ZFHX2: variants seen among roughly 807,000 people sequenced by gnomAD.
The protein encoded by ZFHX2 is zinc finger homeobox protein 2.
Under a neutral mutation model 164.8 loss-of-function variants are expected in ZFHX2, and 75 were observed. The observed-to-expected ratio is 0.46, with a 90% CI of 0.38 to 0.55. The LOEUF is 0.55. ZFHX2 is among the 20% of genes least tolerant of loss of function. The pLI, the probability that ZFHX2 is intolerant of heterozygous loss-of-function variation, is 0.00. For synonymous variants in ZFHX2, 1,217 were observed against 1,351.4 expected (o/e 0.90, Z 2.18); for missense variants, 2,933 against 3,308.0 (o/e 0.89, Z 2.78).
intron 1 of ZFHX2, among the ~76,000 whole-genome samples, chr14:23,541,818 C>T (rs929548396): frequency 4.4e-4 from 57 of 129,112 alleles, no homozygotes; most frequent in Admixed American, 6.2e-4. Context: ...TTAAAACTAT[C>T]ATTCTATCAT....
rs1305978787 is a variant in ZFHX2 at position 23,531,673 on chromosome 14, A to G, written c.2608T>C (p.Tyr870His). The change falls in exon 4 of 10, where the codon TAC becomes CAC. Residue 870 changes from tyrosine (Y) to histidine (H), a missense_variant. Transcript: ENST00000419474. ...GAEAGAELGL[Y>H]HCLLCAWETP... ...TCCCACGCACACAACAGGCAGTGGT[A>G]TAGCCCCAGCTCTGCCCCTGCCTCC... is the stretch of plus-strand genomic sequence containing the variant. 3 of 1,465,334 alleles carry G rather than the reference A, an allele frequency of 2.0e-6. No homozygotes were observed. In the Admixed American group the frequency reaches 6.6e-5, roughly 32 times the overall value. The allele number at this position is 1,465,334 out of a possible 1,614,324, so 90.8% of individuals were successfully genotyped here.
In ZFHX2 at chr14:23,532,753, G is replaced by C; in HGVS notation, c.2373C>G (p.His791Gln). The change falls in exon 3 of 10, where the codon CAC (histidine) becomes CAG (glutamine). Residue 791 changes from histidine to glutamine, a missense_variant. Transcript: ENST00000419474. The stretch of plus-strand genomic sequence containing the variant: ...CCATGGCTCCACCCCCCTCCCGCAG[G>C]TGGGCTGCCAGCTGGTACTTCTGAG... ...KHAQKYQLAA[H>Q]LREGGGAMGT... 1 of 1,536,240 alleles carries C rather than the reference G, an allele frequency of 6.5e-7. No individual in the cohort carries two copies. The highest frequency in any genetic ancestry group is 8.7e-7 in the Non-Finnish European group (1 of 1,146,920).
At chr14:23,529,649 G>T in intron 6 of ZFHX2, 61 bp downstream of exon 6, 1 of 1,419,044 alleles carries the variant, frequency 7.0e-7, no homozygotes, top group South Asian at 1.2e-5. Context: ...TTTAGAATAT[G>T]AGCAGATCTC....
chr14:23,528,369 T>C (rs1189129955), intron 6 of ZFHX2, among the ~76,000 whole-genome samples: 1 of 152,260 alleles, frequency 6.6e-6, no homozygotes, highest in Non-Finnish European at 1.5e-5. Flanking sequence ...TGTCTGGCCC[T>C]CTTCCACCAT....
intron 5 of ZFHX2, 36 bp downstream of exon 5, chr14:23,530,084 G>A: frequency 4.0e-6 from 6 of 1,508,526 alleles, no homozygotes; most frequent in Non-Finnish European, 5.3e-6. Flanking sequence ...CGTCTCAGAA[G>A]GTAGGAGGAC....
At chr14:23,554,436 T>C (rs1464853651), upstream of ZFHX2, among the ~76,000 whole-genome samples, 2 of 152,030 alleles carry the variant, frequency 1.3e-5, no homozygotes, top group African/African-American at 2.4e-5. Context: ...GTGCAGGCAG[T>C]AGCAGGATCG....
intron 1 of ZFHX2, among the ~76,000 whole-genome samples, chr14:23,545,576 T>G (rs1326859963): frequency 6.6e-6 from 1 of 152,256 alleles, no homozygotes; most frequent in African/African-American, 2.4e-5. Context: ...TTTCTCATCC[T>G]TCCCTGGCCT....
At chr14:23,540,887 T>C (rs150312772) in intron 1 of ZFHX2, among the ~76,000 whole-genome samples, 1,527 of 152,256 alleles carry the variant, frequency 0.01, 26 homozygotes, top group African/African-American at 0.034. Context: ...GCTTTCCTTC[T>C]GTTCACCCCT....
Position 23,526,487 on chromosome 14 carries a change from C to T in ZFHX2, c.3455G>A (p.Gly1152Glu), listed in dbSNP as rs1386021139. ...PPPTMAEEEE[G>E]TTGELRSAEP... ...TGCAGAGCGGAGCTCCCCAGTGGTC[C>T]CCTCTTCCTCCTCAGCCATGGTGGG... is the stretch of plus-strand genomic sequence containing the variant. Residue 1152 changes from glycine to glutamate, a missense_variant, in exon 9 of 10, where the codon GGG becomes GAG. By Grantham distance (98) the Gly-to-Glu change is moderately conservative. Coordinates refer to ENST00000419474, the MANE Select transcript of ZFHX2 (RefSeq NM_033400.3). 12 of 1,535,906 alleles carry T rather than the reference C, an allele frequency of 7.8e-6. No homozygotes were observed. The Admixed American group carries it at 2.0e-4, about 25-fold the overall frequency.
At chr14:23,550,898 G>A (rs1172146195) in intron 1 of ZFHX2, among the ~76,000 whole-genome samples, 1 of 151,980 alleles carries the variant, frequency 6.6e-6, no homozygotes, top group Non-Finnish European at 1.5e-5. Context: ...ACAGCCGGCG[G>A]GGGGCCGCCG....
rs896570799 is a variant in ZFHX2 at position 23,531,681 on chromosome 14, A to T, written c.2600T>A (p.Leu867Gln). 3.5e-6 allele frequency: 5 copies of T among 1,414,692 alleles called. No homozygotes were observed. Among genetic ancestry groups the T allele is most frequent in the Admixed American group, 5.1e-5 (2 of 39,042 alleles). 87.6% of individuals were successfully genotyped at this position (1,414,692 alleles called of 1,614,324 possible). The change falls in exon 4 of 10, where the codon CTG becomes CAG. Residue 867 changes from leucine to glutamine, a missense_variant. Physicochemically the swap from Leu to Gln is moderately radical, Grantham distance 113. Transcript: ENST00000419474. ...ACACAACAGGCAGTGGTATAGCCCC[A>T]GCTCTGCCCCTGCCTCCGCTCCCTC... ...DMEGAEAGAE[L>Q]GLYHCLLCAW...
chr14:23,522,089 G>T lies in ZFHX2; in HGVS notation c.7592C>A (p.Pro2531His). Reference sequence around the variant, plus strand: ...AGTGGCGGCGTTGGTGATGGAGATGGGTGGGCCCCCTTGAGGTGGGGCTGC... The same window carrying T: ...AGTGGCGGCGTTGGTGATGGAGATGTGTGGGCCCCCTTGAGGTGGGGCTGC... ...RKAAPPQGGP[P>H]ISITNAATAA... is the part of the protein sequence containing the mutation. The change falls in exon 10 of 10, where the codon CCC becomes CAC. Residue 2531 changes from proline (P) to histidine (H), a missense_variant. Pro to His is a moderately conservative substitution (Grantham distance 77, BLOSUM62 -2). Coordinates refer to ENST00000419474, the MANE Select transcript of ZFHX2 (RefSeq NM_033400.3). 1.3e-6 allele frequency: 2 copies of T among 1,536,104 alleles called. No individual in the cohort carries two copies. Among genetic ancestry groups the T allele is most frequent in the Non-Finnish European group, 8.7e-7 (1 of 1,146,754 alleles).
In ZFHX2 at chr14:23,533,178, C is replaced by G; in HGVS notation, c.2042-94G>C. On this transcript the variant is annotated intron_variant, in intron 2 of 9. Transcript: ENST00000419474. This position sits in a 1 kb window ranked among gnomAD's most constrained non-coding sequence, Gnocchi z 4.8. ...GTGGGTTAATGAGTAGGATAGTGCT[C>G]AGAGGGACTTATGGTTACCTAAGTG... 6.9e-7 allele frequency: 1 copy of G among 1,441,186 alleles called. No individual in the cohort carries two copies. Among genetic ancestry groups the G allele is most frequent in the South Asian group, 1.5e-5 (1 of 68,444 alleles). The allele number at this position is 1,441,186 out of a possible 1,614,324, so 89.3% of individuals were successfully genotyped here.
Position 23,534,817 on chromosome 14 carries a change from T to G in ZFHX2, c.509A>C (p.His170Pro). The change falls in exon 2 of 10, where the codon CAC (histidine) becomes CCC (proline). Residue 170 changes from histidine to proline, a missense_variant. Physicochemically the swap from His to Pro is moderately conservative, Grantham distance 77. Coordinates refer to ENST00000419474, the MANE Select transcript of ZFHX2 (RefSeq NM_033400.3). The surrounding 1 kb of genome is among the most constrained non-coding windows in gnomAD (Gnocchi z 4.5). ...GATTGGGTCAAAGCCATGTTGGATG[T>G]GAAGGGCAGTGAGGTGTGAGGGGGG... ...YPPPSHLTAL[H>P]IQHGFDPIQG... 6.5e-7 allele frequency: 1 copy of G among 1,536,046 alleles called. No homozygotes were observed. The highest frequency in any genetic ancestry group is 8.7e-7 in the Non-Finnish European group (1 of 1,146,856).
intron 1 of ZFHX2, chr14:23,543,862 C>T (rs1274998855): frequency 6.6e-6 from 1 of 151,906 alleles, no homozygotes; most frequent in Non-Finnish European, 1.5e-5. Context: ...AAAAAAATAG[C>T]CTTTAGAGTC....
At chr14:23,540,329 A>G (rs957131343) in intron 1 of ZFHX2, among the ~76,000 whole-genome samples, 1 of 152,184 alleles carries the variant, frequency 6.6e-6, no homozygotes, top group African/African-American at 2.4e-5. Flanking sequence ...TAATTGTTTA[A>G]TCTACCCACT....
Position 23,534,807 on chromosome 14 carries a change from A to T in ZFHX2, c.519T>A (p.His173Gln). ...TAAAGCCTTGGATTGGGTCAAAGCCATGTTGGATGTGAAGGGCAGTGAGGT... is the reference window on the plus strand; with the variant it reads ...TAAAGCCTTGGATTGGGTCAAAGCCTTGTTGGATGTGAAGGGCAGTGAGGT... ...PSHLTALHIQHGFDPIQGFSS... is the reference protein window; with the variant it reads ...PSHLTALHIQQGFDPIQGFSS... Residue 173 changes from histidine (H) to glutamine (Q), a missense_variant, in exon 2 of 10, where the codon CAT becomes CAA. Transcript: ENST00000419474. The surrounding 1 kb of genome is among the most constrained non-coding windows in gnomAD (Gnocchi z 4.5). 2 of 1,536,158 alleles carry T rather than the reference A, an allele frequency of 1.3e-6. No individual in the cohort carries two copies. The highest frequency in any genetic ancestry group is 1.7e-6 in the Non-Finnish European group (2 of 1,146,902).
chr14:23,533,244 C>A lies in ZFHX2; in HGVS notation c.2041+41G>T, dbSNP rs751519206. 2.1e-6 allele frequency: 3 copies of A among 1,434,292 alleles called. No homozygotes were observed. 88.8% of individuals were successfully genotyped at this position (1,434,292 alleles called of 1,614,324 possible). ...GGAGAAAGCACGGAATAGAGTTTGG[C>A]CCTGGGGAGGAGAGAAGAGGGAAGA... On this transcript the variant is annotated intron_variant, in intron 2 of 9. Coordinates refer to ENST00000419474, the MANE Select transcript of ZFHX2 (RefSeq NM_033400.3). The surrounding 1 kb of genome is among the most constrained non-coding windows in gnomAD (Gnocchi z 4.8).
chr14:23,553,373 G>A (rs1882113222), upstream of ZFHX2, among the ~76,000 whole-genome samples: 2 of 152,060 alleles, frequency 1.3e-5, no homozygotes, highest in Admixed American at 6.5e-5. Flanking sequence ...GCTGAGGTGG[G>A]TAGATCACCT....
Sources: gnomAD v4.1 joint callset for allele counts (sites outside exome capture counted in the v4.1 genomes callset) on GRCh38, gnomAD v4.1.1 for gene constraint, Gnocchi (gnomAD v3.1) non-coding constraint, MANE v1.5 for transcripts, NCBI Gene and HGNC (gene_info 2026-07-23, HGNC 2026-07-21) for gene names.